Variants in KCNK10 observed in about 807,000 individuals in gnomAD.
KCNK10 encodes the protein potassium two pore domain channel subfamily K member 10, also known as potassium channel subfamily K member 10.
Under a neutral mutation model 47.7 loss-of-function variants are expected in KCNK10, and 25 were observed. The observed-to-expected ratio is 0.52, with a 90% CI of 0.38 to 0.73. KCNK10 has a LOEUF of 0.73. Ranked by LOEUF, KCNK10 falls within the 30% of genes least tolerant of loss-of-function variation. The pLI, the probability that KCNK10 is intolerant of heterozygous loss-of-function variation, is 0.00. For missense variants in KCNK10, 563 were observed against 714.5 expected (o/e 0.79, Z 2.42); for synonymous variants, 303 against 285.6 (o/e 1.06, Z -0.61).
intron 2 of KCNK10, among the ~76,000 whole-genome samples, chr14:88,252,339 A>C (rs936523000): frequency 1.3e-5 from 2 of 152,160 alleles, no homozygotes; most frequent in Non-Finnish European, 2.9e-5. Context: ...TCTTTTATTC[A>C]CCATTACATC....
intron 1 of KCNK10, among the ~76,000 whole-genome samples, chr14:88,280,648 C>A (rs143051523): frequency 1.3e-3 from 203 of 152,278 alleles, no homozygotes; most frequent in African/African-American, 4.7e-3. Flanking sequence ...TCACCCAAAC[C>A]GTTCAAGCCA....
intron 4 of KCNK10, among the ~76,000 whole-genome samples, chr14:88,197,859 GGAGAGAGAGA>G (rs71126969): frequency 5.1e-4 from 64 of 125,374 alleles, no homozygotes; most frequent in Admixed American, 1.2e-3. Context: ...AGGAGGGAAG[GGAGAGAGAGA>G]GAGAGAGAGA....
chr14:88,310,713 G>A (rs139947121), intron 1 of KCNK10, among the ~76,000 whole-genome samples: 1 of 152,262 alleles, frequency 6.6e-6, no homozygotes, highest in East Asian at 1.9e-4. Flanking sequence ...CTTCCAAGCT[G>A]AGGCCACAAG....
intron 3 of KCNK10, among the ~76,000 whole-genome samples, chr14:88,240,026 T>C (rs1886408152): frequency 6.6e-6 from 1 of 152,136 alleles, no homozygotes; most frequent in Non-Finnish European, 1.5e-5. Context: ...CACTGTTCAC[T>C]CTATGATCAG....
At chr14:88,234,332 C>T (rs1418479297) in intron 3 of KCNK10, among the ~76,000 whole-genome samples, 1 of 152,208 alleles carries the variant, frequency 6.6e-6, no homozygotes, top group Non-Finnish European at 1.5e-5. Context: ...GTAAACCTAG[C>T]ATGTCATATA....
At chr14:88,238,681 A>T (rs1886365758) in intron 3 of KCNK10, among the ~76,000 whole-genome samples, 1 of 152,242 alleles carries the variant, frequency 6.6e-6, no homozygotes, top group Admixed American at 6.5e-5. Flanking sequence ...CTCAAAAAAA[A>T]TAAAACACAA....
intron 1 of KCNK10, among the ~76,000 whole-genome samples, chr14:88,298,126 GAA>G (rs973392451): frequency 1.3e-5 from 2 of 152,116 alleles, no homozygotes; most frequent in African/African-American, 4.8e-5. Context: ...TAAGGAAATT[GAA>G]AAGGAACTAC....
At chr14:88,250,475 G>T (rs2139902809) in intron 2 of KCNK10, among the ~76,000 whole-genome samples, 1 of 152,312 alleles carries the variant, frequency 6.6e-6, no homozygotes, top group South Asian at 2.1e-4. Context: ...CTCACCTGCT[G>T]CCTGAGCTGC....
At position 88,220,277 on chromosome 14, in the gene KCNK10, C is replaced by T. The variant is rs184343281; in HGVS notation, c.681+7098G>A. ...CTAAAAATACAAAAAATTAGCCGGG[C>T]GTAGTGGCGGGCGCCTGTAGTCCCA... On this transcript the variant is annotated intron_variant, in intron 4 of 6. Coordinates refer to ENST00000319231, the MANE Select transcript of KCNK10 (RefSeq NM_138317.3). Among the ~76,000 whole-genome samples, 1,453 of 150,346 alleles carry T rather than the reference C, an allele frequency of 9.7e-3. 27 individuals carry two copies. The highest frequency in any genetic ancestry group is 0.034 in the African/African-American group (1,384 of 40,838).
At chr14:88,296,991 G>C (rs1292362427) in intron 1 of KCNK10, among the ~76,000 whole-genome samples, 1 of 152,144 alleles carries the variant, frequency 6.6e-6, no homozygotes, top group African/African-American at 2.4e-5. Flanking sequence ...GACACATTCT[G>C]ATTTCAGAAG....
At chr14:88,298,484 C>T (rs1365017918) in intron 1 of KCNK10, among the ~76,000 whole-genome samples, 1 of 152,214 alleles carries the variant, frequency 6.6e-6, no homozygotes, top group East Asian at 1.9e-4. Context: ...CACTGCTCCA[C>T]GCCTTAGAGA....
chr14:88,200,421 T>C (rs1301331250), intron 4 of KCNK10, among the ~76,000 whole-genome samples: 1 of 152,206 alleles, frequency 6.6e-6, no homozygotes, highest in Non-Finnish European at 1.5e-5. Context: ...AGAATTTTTC[T>C]GGAGGCATAC....
In KCNK10 at chr14:88,188,085, C is replaced by A; in HGVS notation, c.893G>T (p.Arg298Leu). 6.2e-7 allele frequency: 1 copy of A among 1,614,160 alleles called. No homozygotes were observed. The highest frequency in any genetic ancestry group is 8.5e-7 in the Non-Finnish European group (1 of 1,180,026). ...VAGGNAGINY[R>L]EWYKPLVWFW... ...CCACACTAGGGGCTTATACCACTCC[C>A]GATAATTGATGCCAGCGTTTCCCCC... is the stretch of plus-strand genomic sequence containing the variant. The change falls in exon 6 of 7, where the codon CGG becomes CTG. Residue 298 changes from arginine to leucine, a missense_variant. Transcript: ENST00000319231.
intron 4 of KCNK10, among the ~76,000 whole-genome samples, chr14:88,194,586 C>T (rs556752856): frequency 3.6e-4 from 55 of 152,240 alleles, no homozygotes; most frequent in African/African-American, 1.1e-3. Context: ...ACTGCAAGTA[C>T]GTAGGAAGCT....
At chr14:88,245,545 T>A (rs1399559597) in intron 2 of KCNK10, among the ~76,000 whole-genome samples, 1 of 152,190 alleles carries the variant, frequency 6.6e-6, no homozygotes, top group Non-Finnish European at 1.5e-5. Context: ...CAGCGTGCGA[T>A]ACCATCATGA....
chr14:88,320,416 C>T (rs965535827), intron 1 of KCNK10, among the ~76,000 whole-genome samples: 1 of 152,056 alleles, frequency 6.6e-6, no homozygotes, highest in Non-Finnish European at 1.5e-5. Context: ...CAGAAATGTA[C>T]CTTAAAACAC....
chr14:88,264,078 G>A (rs886523831), intron 1 of KCNK10, among the ~76,000 whole-genome samples: 1 of 152,158 alleles, frequency 6.6e-6, no homozygotes, highest in Non-Finnish European at 1.5e-5. Flanking sequence ...AAAAGGATGA[G>A]CTTGTTATAT....
intron 2 of KCNK10, among the ~76,000 whole-genome samples, chr14:88,254,353 C>G (rs1365059626): frequency 3.9e-5 from 6 of 152,096 alleles, no homozygotes; most frequent in Non-Finnish European, 7.3e-5. Context: ...ATGTCCTTCC[C>G]GATGGGTGCC....
At position 88,227,672 on chromosome 14, in the gene KCNK10, C is replaced by T. The variant is rs183546077; in HGVS notation, c.521-137G>A. Reference sequence around the variant, plus strand: ...GGAGTAGAACTTCATTTCAAAGGCCCTCTACAATTCGCAACATTGTTCCAT... The same window carrying T: ...GGAGTAGAACTTCATTTCAAAGGCCTTCTACAATTCGCAACATTGTTCCAT... On this transcript the variant is annotated intron_variant, in intron 3 of 6. Coordinates refer to ENST00000319231, the MANE Select transcript of KCNK10 (RefSeq NM_138317.3). 11 of 682,162 alleles carry T rather than the reference C, an allele frequency of 1.6e-5. 1 individual carries two copies. The Admixed American group carries it at 3.3e-4, about 21-fold the overall frequency. The allele number at this position is 682,162 out of a possible 1,614,324, so 42.3% of individuals were successfully genotyped here.
Sources: allele counts gnomAD v4.1 joint callset (sites outside exome capture counted in the v4.1 genomes callset), GRCh38; gene constraint gnomAD v4.1.1; transcripts MANE v1.5; gene names NCBI Gene and HGNC (gene_info 2026-07-23, HGNC 2026-07-21).